The following USP44 variants were observed in gnomAD, a reference collection of about 807,000 sequenced individuals.
USP44 encodes the protein ubiquitin specific peptidase 44, also known as ubiquitin carboxyl-terminal hydrolase 44.
Under a neutral mutation model 69.0 loss-of-function variants are expected in USP44, and 61 were observed. The observed-to-expected ratio is 0.88, with a 90% CI of 0.72 to 1.09. The LOEUF is 1.09. Among genes scored for constraint, USP44 ranks in the 50% least tolerant of loss-of-function variants. The pLI, the probability that USP44 is intolerant of heterozygous loss-of-function variation, is 0.00. For synonymous variants in USP44, 297 were observed against 295.4 expected (o/e 1.01, Z -0.06); for missense variants, 753 against 849.9 (o/e 0.89, Z 1.42).
chr12:95,541,874 A>ATTTTTTTT (rs34060895), intron 1 of USP44, among the ~76,000 whole-genome samples: 4 of 99,558 alleles, frequency 4.0e-5, no homozygotes, highest in African/African-American at 8.3e-5. Flanking sequence ...TATCATCTCC[A>ATTTTTTTT]TTTTTTTTTT....
Position 95,532,166 on chromosome 12 carries a change from G to GA in USP44, c.1428+662_1428+663insT, listed in dbSNP as rs1470878674. Among the ~76,000 whole-genome samples, 3 of 121,550 alleles carry GA rather than the reference G, an allele frequency of 2.5e-5. No homozygotes were observed. The South Asian group carries it at 8.2e-4, about 33-fold the overall frequency. 79.7% of individuals were successfully genotyped at this position (121,550 alleles called of 152,430 possible). ...GTGCACCATTTTCTTTCTTTCTTTG[G>GA]GTTTTTTTTTTTTTTTTTTGAGACG... On this transcript the variant is annotated intron_variant, in intron 2 of 5. Coordinates refer to ENST00000258499, the MANE Select transcript of USP44 (RefSeq NM_032147.5).
Position 95,528,923 on chromosome 12 carries a change from T to C in USP44, c.1508A>G (p.Tyr503Cys), listed in dbSNP as rs367819800. 7 of 1,613,992 alleles carry C rather than the reference T, an allele frequency of 4.3e-6. No homozygotes were observed. Among genetic ancestry groups the C allele is most frequent in the Non-Finnish European group, 5.9e-6 (7 of 1,180,020 alleles). Residue 503 changes from tyrosine to cysteine, a missense_variant, in exon 3 of 6, where the codon TAT becomes TGT. Tyr to Cys is a radical substitution (Grantham distance 194, BLOSUM62 -2). Coordinates refer to ENST00000258499, the MANE Select transcript of USP44 (RefSeq NM_032147.5). ...WDLSLEFPER[Y>C]QCSGKDIASQ... is the part of the protein sequence containing the mutation. ...AGCAATATCTTTTCCACTGCATTGA[T>C]ACCTTTCTGGAAACTCCAATGACAA...
In USP44 at chr12:95,534,077, G is replaced by C. The variant is rs532634421; in HGVS notation, c.180C>G (p.His60Gln). 17 of 1,614,074 alleles carry C rather than the reference G, an allele frequency of 1.1e-5. No homozygotes were observed. Among genetic ancestry groups the C allele is most frequent in the Non-Finnish European group, 1.4e-5 (17 of 1,180,040 alleles). ...GRYIEEHALKHFQESSHPVAL... is the reference protein window; with the variant it reads ...GRYIEEHALKQFQESSHPVAL... Reference sequence around the variant, plus strand: ...CAACAGGATGACTGCTTTCTTGAAAGTGCTTGAGTGCATGCTCTTCAATAT... The same window carrying C: ...CAACAGGATGACTGCTTTCTTGAAACTGCTTGAGTGCATGCTCTTCAATAT... The change falls in exon 2 of 6, where the codon CAC (histidine) becomes CAG (glutamine). Residue 60 changes from histidine (H) to glutamine (Q), a missense_variant. Transcript: ENST00000258499.
rs142625198 is a variant in USP44 at position 95,532,459 on chromosome 12, C to T, written c.1428+370G>A. Among the ~76,000 whole-genome samples the T allele has an allele frequency of 3.5e-3, 536 of 152,104 alleles. 2 individuals are homozygous for T. Among genetic ancestry groups the T allele is most frequent in the African/African-American group, 0.012 (507 of 41,488 alleles). On this transcript the variant is annotated intron_variant, in intron 2 of 5. Transcript: ENST00000258499. ...CTGGGATTATAGGTGTGAGCCCCCA[C>T]GCCCGGCCATGTGCACCATTTTCAT...
intron 1 of USP44, among the ~76,000 whole-genome samples, chr12:95,544,983 T>A (rs1253636714): frequency 4.6e-5 from 7 of 152,166 alleles, no homozygotes; most frequent in Admixed American, 2.0e-4. Flanking sequence ...AATCTAAACT[T>A]CTTAACATGG....
At chr12:95,532,160 TC>T (rs1429987838) in intron 2 of USP44, among the ~76,000 whole-genome samples, 4 of 143,390 alleles carry the variant, frequency 2.8e-5, no homozygotes, top group Non-Finnish European at 4.5e-5. Flanking sequence ...TTTCTTTCTT[TC>T]TTTGGGTTTT....
rs368903861 is a variant in USP44, at chr12:95,533,962, G to C, written c.295C>G (p.Arg99Gly). Residue 99 changes from arginine (R) to glycine (G), a missense_variant, in exon 2 of 6, where the codon CGA (arginine) becomes GGA (glycine). Coordinates refer to ENST00000258499, the MANE Select transcript of USP44 (RefSeq NM_032147.5). ...DNTTGDLKLLRRTLSAIKSQN... is the reference protein window; with the variant it reads ...DNTTGDLKLLGRTLSAIKSQN... ...CTTTTGATGGCACTTAATGTACGTC[G>C]TAGTAACTTCAGGTCTCCAGTTGTG... 2 of 1,614,152 alleles carry C rather than the reference G, an allele frequency of 1.2e-6. No individual in the cohort carries two copies. Among genetic ancestry groups the C allele is most frequent in the South Asian group, 2.2e-5 (2 of 91,082 alleles).
chr12:95,543,581 G>A (rs150281548), intron 1 of USP44, among the ~76,000 whole-genome samples: 1 of 151,932 alleles, frequency 6.6e-6, no homozygotes, highest in Non-Finnish European at 1.5e-5. Flanking sequence ...AAATCCACGC[G>A]TGGCAGTGCA....
rs950427856 is a variant in USP44, at chr12:95,551,308, G to T, written c.-107C>A. ...TCAAAATCAGTCTTTCCCCAGGTCG[G>T]CCTTTGGATAACTCAGAGGTCAGTC... On this transcript the variant is annotated 5_prime_UTR_variant, in exon 1 of 6. Coordinates refer to ENST00000258499, the MANE Select transcript of USP44 (RefSeq NM_032147.5). The T allele has an allele frequency of 2.0e-5, 3 of 152,274 alleles. No individual in the cohort carries two copies. Among genetic ancestry groups the T allele is most frequent in the African/African-American group, 7.2e-5 (3 of 41,390 alleles). The allele number at this position is 152,274 out of a possible 1,614,324, so 9.4% of individuals were successfully genotyped here.
Position 95,533,383 on chromosome 12 carries a change from T to A in USP44, c.874A>T (p.Ser292Cys). The A allele has an allele frequency of 6.2e-7, 1 of 1,613,500 alleles. No homozygotes were observed. Among genetic ancestry groups the A allele is most frequent in the African/African-American group, 1.3e-5 (1 of 75,052 alleles). Residue 292 changes from serine to cysteine, a missense_variant, in exon 2 of 6, where the codon AGT (serine) becomes TGT (cysteine). By Grantham distance (112) the Ser-to-Cys change is moderately radical. Transcript: ENST00000258499. ...CYMNSVLQVL[S>C]HLLIFRQCFL... ...CATTGTCGAAAAATAAGTAAATGACTCAACACCTGAAGAACAGAATTCATA... is the reference window on the plus strand; with the variant it reads ...CATTGTCGAAAAATAAGTAAATGACACAACACCTGAAGAACAGAATTCATA...
Position 95,528,915 on chromosome 12 carries a change from T to A in USP44, c.1516A>T (p.Ser506Cys). Residue 506 changes from serine (S) to cysteine (C), a missense_variant, in exon 3 of 6, where the codon AGT becomes TGT. Physicochemically the swap from Ser to Cys is moderately radical, Grantham distance 112. Coordinates refer to ENST00000258499, the MANE Select transcript of USP44 (RefSeq NM_032147.5). ...GGCTGGGAAGCAATATCTTTTCCAC[T>A]GCATTGATACCTTTCTGGAAACTCC... ...SLEFPERYQCSGKDIASQPCL... is the reference protein window; with the variant it reads ...SLEFPERYQCCGKDIASQPCL... 6.2e-7 allele frequency: 1 copy of A among 1,614,088 alleles called. No homozygotes were observed. Among genetic ancestry groups the A allele is most frequent in the South Asian group, 1.1e-5 (1 of 91,084 alleles).
At chr12:95,538,128 A>T (rs1349728648) in intron 1 of USP44, among the ~76,000 whole-genome samples, 1 of 152,164 alleles carries the variant, frequency 6.6e-6, no homozygotes, top group African/African-American at 2.4e-5. Flanking sequence ...ACATCATGGT[A>T]GAAGAGAGGG....
intron 1 of USP44, among the ~76,000 whole-genome samples, chr12:95,542,811 T>G (rs1022996182): frequency 6.8e-6 from 1 of 148,016 alleles, no homozygotes; most frequent in Non-Finnish European, 1.5e-5. Context: ...AGTCCTTGGC[T>G]GGGCATGGTG....
intron 1 of USP44, among the ~76,000 whole-genome samples, chr12:95,543,966 C>CAAAAAA (rs760105964): frequency 1.0e-4 from 5 of 47,682 alleles, no homozygotes; most frequent in Non-Finnish European, 1.5e-4. Flanking sequence ...GACTGCATCT[C>CAAAAAA]AAAAAAAAAA....
chr12:95,541,647 T>C (rs894622566), intron 1 of USP44, among the ~76,000 whole-genome samples: 1 of 152,054 alleles, frequency 6.6e-6, no homozygotes. Context: ...TTGTGACAAA[T>C]TTCATAATAG....
In USP44 at chr12:95,533,043, A is replaced by G. The variant is rs149301586; in HGVS notation, c.1214T>C (p.Met405Thr). 2.5e-6 allele frequency: 4 copies of G among 1,614,124 alleles called. No homozygotes were observed. The African/African-American group carries it at 5.3e-5, about 22-fold the overall frequency. ...AATGAGTCTCCACACTGAGTGTAGC[A>G]TAGCAAATGGTGAGACCAACGCCCA... The part of the protein sequence containing the change: ...GKWALVSPFA[M>T]LHSVWRLIPA... The change falls in exon 2 of 6, where the codon ATG becomes ACG. Residue 405 changes from methionine (M) to threonine (T), a missense_variant. Coordinates refer to ENST00000258499, the MANE Select transcript of USP44 (RefSeq NM_032147.5).
chr12:95,532,159 T>C (rs1268054493), intron 2 of USP44, among the ~76,000 whole-genome samples: 1 of 143,996 alleles, frequency 6.9e-6, no homozygotes, highest in Non-Finnish European at 1.5e-5. Context: ...TTTTCTTTCT[T>C]TCTTTGGGTT....
At position 95,517,016 on chromosome 12, in the gene USP44, C is replaced by T. The variant is rs961813834; in HGVS notation, c.*1138G>A. On this transcript the variant is annotated 3_prime_UTR_variant, in exon 6 of 6. Transcript: ENST00000258499. ...TAGCAGCAACAGGACTTTAAAGAAACCCAGTGAGATTATCAGAAGAAGAAA... is the reference window on the plus strand; with the variant it reads ...TAGCAGCAACAGGACTTTAAAGAAATCCAGTGAGATTATCAGAAGAAGAAA... 1.3e-5 allele frequency: 2 copies of T among 151,384 alleles called. No individual in the cohort carries two copies. The highest frequency in any genetic ancestry group is 4.9e-5 in the African/African-American group (2 of 41,092). 9.4% of individuals were successfully genotyped at this position (151,384 alleles called of 1,614,324 possible).
chr12:95,532,359 G>A (rs2077048869), intron 2 of USP44, among the ~76,000 whole-genome samples: 2 of 151,840 alleles, frequency 1.3e-5, no homozygotes, highest in South Asian at 4.2e-4. Context: ...GTAGAGATGG[G>A]GTTACACCAT....
Sources: gnomAD v4.1 joint callset for allele counts (sites outside exome capture counted in the v4.1 genomes callset) on GRCh38, gnomAD v4.1.1 for gene constraint, MANE v1.5 for transcripts, NCBI Gene and HGNC (gene_info 2026-07-23, HGNC 2026-07-21) for gene names.